Variants in PTPRC observed in about 807,000 individuals in gnomAD.
PTPRC encodes protein tyrosine phosphatase receptor type C.
A neutral mutation model predicts 155.9 loss-of-function variants in PTPRC; 44 were observed. That is an observed-to-expected ratio of 0.28 (90% CI 0.22 to 0.36). The LOEUF (loss-of-function observed/expected upper bound fraction) is 0.36, where lower values mean the gene tolerates loss of function less well. PTPRC is among the 10% of genes least tolerant of loss of function. PTPRC has a pLI of 1.00. For synonymous variants in PTPRC, 525 were observed against 533.1 expected, an observed-to-expected ratio of 0.98 and a Z score of 0.21; for missense variants, 1,401 against 1,564.6, an observed-to-expected ratio of 0.90 and a Z score of 1.76.
At position 198,744,211 on chromosome 1, in the gene PTPRC, T is replaced by G; in HGVS notation, c.2847+8T>G. ...CTAGAGGCTGAATTCCAGGTAATGA[T>G]AGTGACAACAATAATAATAATTACA... is the stretch of plus-strand genomic sequence containing the variant. On this transcript the variant is annotated splice_region_variant and intron_variant, in intron 26 of 32. Coordinates refer to ENST00000442510, the MANE Select transcript of PTPRC (RefSeq NM_002838.5). The G allele has an allele frequency of 6.3e-7, 1 of 1,595,938 alleles. No individual in the cohort carries two copies. The highest frequency in any genetic ancestry group is 8.6e-7 in the Non-Finnish European group (1 of 1,165,226).
Position 198,712,406 on chromosome 1 carries a change from T to G in PTPRC, c.1172-547T>G, listed in dbSNP as rs115465099. Among the ~76,000 whole-genome samples, 413 of 152,298 alleles carry G rather than the reference T, an allele frequency of 2.7e-3. 2 individuals are homozygous for G. The highest frequency in any genetic ancestry group is 8.3e-3 in the African/African-American group (343 of 41,560). On this transcript the variant is annotated intron_variant, in intron 11 of 32. Coordinates refer to ENST00000442510, the MANE Select transcript of PTPRC (RefSeq NM_002838.5). ...TGGGATCACAGAAATTTTCTTTATCTTGATTGTGGTGTTGGTTATGTGGAT... is the reference window on the plus strand; with the variant it reads ...TGGGATCACAGAAATTTTCTTTATCGTGATTGTGGTGTTGGTTATGTGGAT...
At chr1:198,663,718 A>G (rs1265547328) in intron 2 of PTPRC, among the ~76,000 whole-genome samples, 1 of 152,212 alleles carries the variant, frequency 6.6e-6, no homozygotes, top group African/African-American at 2.4e-5. Context: ...TTTCTCTGGG[A>G]AGAGTGATTA....
chr1:198,727,629 G>A (rs553939343), intron 15 of PTPRC, among the ~76,000 whole-genome samples: 15 of 152,136 alleles, frequency 9.9e-5, no homozygotes, highest in South Asian at 4.1e-4. Flanking sequence ...GCTAGGATTG[G>A]AAGCTAAGCA....
intron 2 of PTPRC, among the ~76,000 whole-genome samples, chr1:198,659,629 G>A (rs1021952960): frequency 3.3e-5 from 5 of 151,304 alleles, no homozygotes; most frequent in African/African-American, 1.2e-4. Flanking sequence ...ACGCTTCCCA[G>A]GTTCAAAGAA....
rs539249449 is a variant in PTPRC, at chr1:198,653,646, G to T, written c.73+14305G>T. ...GAGCCATGATTTTTGTGGAATCTTC[G>T]CTCCAGTTTAAGTTTTGTCAGTGTC... On this transcript the variant is annotated intron_variant, in intron 2 of 32. Transcript: ENST00000442510. Among the ~76,000 whole-genome samples the T allele has an allele frequency of 3.3e-5, 5 of 151,818 alleles. No homozygotes were observed. The East Asian group carries it at 5.8e-4, about 18-fold the overall frequency.
intron 15 of PTPRC, 81 bp downstream of exon 15, chr1:198,722,557 A>G: frequency 1.3e-6 from 1 of 776,562 alleles, no homozygotes; most frequent in Non-Finnish European, 1.8e-6. Context: ...TACACTTATA[A>G]TCACATTTGA....
At position 198,732,610 on chromosome 1, in the gene PTPRC, T is replaced by A; in HGVS notation, c.2142+54T>A. The stretch of plus-strand genomic sequence containing the variant: ...CCTACATATTTCATTCAGCTCCTTG[T>A]TTGTCTTGGTAAAATTTTAGAAATA... On this transcript the variant is annotated intron_variant, in intron 20 of 32. Transcript: ENST00000442510. 3 of 1,352,460 alleles carry A rather than the reference T, an allele frequency of 2.2e-6. No homozygotes were observed. In the South Asian group the frequency reaches 3.7e-5, roughly 17 times the overall value. The allele number at this position is 1,352,460 out of a possible 1,614,324, so 83.8% of individuals were successfully genotyped here. A position where few individuals can be genotyped will look rare whatever the true frequency, so the allele number is the denominator to read the frequency against.
chr1:198,740,510 A>T (rs1654850005), intron 23 of PTPRC, among the ~76,000 whole-genome samples: 1 of 151,918 alleles, frequency 6.6e-6, no homozygotes, highest in Non-Finnish European at 1.5e-5. Context: ...TGAACCTGGG[A>T]AGCCGAGGTT....
At chr1:198,749,355 G>A (rs1228524440) in intron 27 of PTPRC, 61 bp from the exon 28 acceptor site, 1 of 1,500,260 alleles carries the variant, frequency 6.7e-7, no homozygotes, top group Non-Finnish European at 9.2e-7. Flanking sequence ...ATTTCCACAT[G>A]ACAATGAAGA....
At chr1:198,641,985 C>A (rs1051451768) in intron 2 of PTPRC, among the ~76,000 whole-genome samples, 4 of 151,900 alleles carry the variant, frequency 2.6e-5, no homozygotes, top group Non-Finnish European at 2.9e-5. Flanking sequence ...TCTAAATACT[C>A]CATAATTTAG....
At chr1:198,731,372 T>C (rs1019160266) in intron 17 of PTPRC, among the ~76,000 whole-genome samples, 66 of 152,110 alleles carry the variant, frequency 4.3e-4, no homozygotes, top group African/African-American at 1.4e-3. Flanking sequence ...CTCTTAAGCA[T>C]AGAAAATGGG....
chr1:198,645,813 C>T (rs1662907773), intron 2 of PTPRC, among the ~76,000 whole-genome samples: 1 of 151,688 alleles, frequency 6.6e-6, no homozygotes, highest in Admixed American at 6.6e-5. Context: ...CAGGCTTCTC[C>T]AGATTCTACA....
At position 198,752,759 on chromosome 1, in the gene PTPRC, C is replaced by G; in HGVS notation, c.3496C>G (p.Leu1166Val). 1 of 1,612,624 alleles carries G rather than the reference C, an allele frequency of 6.2e-7. No homozygotes were observed. Among genetic ancestry groups the G allele is most frequent in the Non-Finnish European group, 8.5e-7 (1 of 1,179,188 alleles). Residue 1166 changes from leucine to valine, a missense_variant, in exon 31 of 33, where the codon CTC (leucine) becomes GTC (valine). Around this residue, in one of 3 missense-constraint regions of PTPRC, gnomAD observed 400 missense variants for 389.5 expected, o/e 1.03. Coordinates refer to ENST00000442510, the MANE Select transcript of PTPRC (RefSeq NM_002838.5). ...GNKHHKSTPLLIHCRDGSQQT... is the reference protein window; with the variant it reads ...GNKHHKSTPLVIHCRDGSQQT... Reference sequence around the variant, plus strand: ...CAAGCATCACAAGAGTACACCTCTACTCATTCACTGCAGGTGCGTGGGATT... The same window carrying G: ...CAAGCATCACAAGAGTACACCTCTAGTCATTCACTGCAGGTGCGTGGGATT...
chr1:198,694,798 C>A (rs1011256102), intron 3 of PTPRC: 358 of 944,558 alleles, frequency 3.8e-4, no homozygotes, highest in Non-Finnish European at 4.1e-4. Context: ...CTCCCACCCT[C>A]TCTCCCTCCC....
At position 198,755,968 on chromosome 1, in the gene PTPRC, A is replaced by AAAG; in HGVS notation, c.3711_3713dup (p.Lys1238dup). 1 of 1,613,126 alleles carries AAAG rather than the reference A, an allele frequency of 6.2e-7. No individual in the cohort carries two copies. The highest frequency in any genetic ancestry group is 8.5e-7 in the Non-Finnish European group (1 of 1,179,398). On this transcript the variant is annotated inframe_insertion, in exon 33 of 33. Coordinates refer to ENST00000442510, the MANE Select transcript of PTPRC (RefSeq NM_002838.5). ...CCTACCCTGCTCAGAATGGACAAGT[A>AAAG]AAGAAAAACAACCATCAAGAAGATA...
rs1666376550 is a variant in PTPRC, at chr1:198,699,719, T to C, written c.439+15T>C. On this transcript the variant is annotated intron_variant, in intron 5 of 32. Coordinates refer to ENST00000442510, the MANE Select transcript of PTPRC (RefSeq NM_002838.5). The stretch of plus-strand genomic sequence containing the variant: ...TGCTATCTCAGGTTTGCGGGTCCTT[T>C]AGACTTGTGCAAATATGAAAAGTAC... The C allele has an allele frequency of 6.2e-7, 1 of 1,614,168 alleles. No individual in the cohort carries two copies. Among genetic ancestry groups the C allele is most frequent in the African/African-American group, 1.3e-5 (1 of 75,070 alleles).
rs573810676 is a variant in PTPRC at position 198,707,996 on chromosome 1, A to T, written c.905-137A>T. 13 of 681,304 alleles carry T rather than the reference A, an allele frequency of 1.9e-5. No homozygotes were observed. The Admixed American group carries it at 2.1e-4, about 11-fold the overall frequency. The allele number at this position is 681,304 out of a possible 1,614,324, so 42.2% of individuals were successfully genotyped here. ...CCTAGAGTTATTAGACTTTTCCCATAGCAATCTCAATCCTTGCCAAATTCT... is the reference window on the plus strand; with the variant it reads ...CCTAGAGTTATTAGACTTTTCCCATTGCAATCTCAATCCTTGCCAAATTCT... On this transcript the variant is annotated intron_variant, in intron 9 of 32. Coordinates refer to ENST00000442510, the MANE Select transcript of PTPRC (RefSeq NM_002838.5).
Position 198,662,857 on chromosome 1 carries a change from T to C in PTPRC, c.73+23516T>C, listed in dbSNP as rs115686665. On this transcript the variant is annotated intron_variant, in intron 2 of 32. Transcript: ENST00000442510. ...GTTTTCATAGGAATCATGAAAACTATAGTTTTTCCTCCAACGTAAGGATCT... is the reference window on the plus strand; with the variant it reads ...GTTTTCATAGGAATCATGAAAACTACAGTTTTTCCTCCAACGTAAGGATCT... Among the ~76,000 whole-genome samples, 959 of 152,346 alleles carry C rather than the reference T, an allele frequency of 6.3e-3. 13 individuals carry two copies. The highest frequency in any genetic ancestry group is 0.021 in the African/African-American group (892 of 41,580).
chr1:198,672,635 A>ATTTT (rs545141740), intron 2 of PTPRC, among the ~76,000 whole-genome samples: 29 of 141,358 alleles, frequency 2.1e-4, no homozygotes, highest in Middle Eastern at 3.7e-3. Context: ...ATGCCCAGCT[A>ATTTT]TTTTTTTTTT....
Sources: allele counts gnomAD v4.1 joint callset (sites outside exome capture counted in the v4.1 genomes callset), GRCh38; gene constraint gnomAD v4.1.1; regional missense constraint gnomAD v4.1.1; transcripts MANE v1.5; gene names NCBI Gene and HGNC (gene_info 2026-07-23, HGNC 2026-07-21).